Variants in RYR1 observed in about 807,000 individuals in gnomAD.
RYR1 encodes ryanodine receptor 1, also known as central core disease of muscle.
A neutral mutation model predicts 583.5 loss-of-function variants in RYR1; 342 were observed. The observed-to-expected ratio is 0.59, with a 90% CI of 0.54 to 0.64. The LOEUF (loss-of-function observed/expected upper bound fraction) is 0.64, where lower values mean the gene tolerates loss of function less well. Among genes scored for constraint, RYR1 ranks in the 30% least tolerant of loss-of-function variants. The pLI is 0.00. For synonymous variants in RYR1, 2,791 were observed against 2,822.5 expected (o/e 0.99, Z 0.35); for missense variants, 6,032 against 6,917.2 (o/e 0.87, Z 4.54).
Position 38,516,215 on chromosome 19 carries a change from C to T in RYR1, c.9683C>T (p.Ala3228Val), listed in dbSNP as rs1335263831. 2 of 1,586,236 alleles carry T rather than the reference C, an allele frequency of 1.3e-6. No homozygotes were observed. Among genetic ancestry groups the T allele is most frequent in the Non-Finnish European group, 8.6e-7 (1 of 1,166,128 alleles). ...ACCACCAAGTCTCCGCGGGAGCGGG[C>T]CAGTAAGCTGTGTGGGGCGGGAGCA... The part of the protein sequence containing the change: ...VYTTKSPRER[A>V]ILGLPNSVEE... The change falls in exon 65 of 106, where the codon GCC becomes GTC. Residue 3228 changes from alanine (A) to valine (V), a missense_variant and splice_region_variant. Transcript: ENST00000359596.
intron 88 of RYR1, 66 bp downstream of exon 88, chr19:38,546,592 C>T (rs1421631619): frequency 9.8e-6 from 13 of 1,327,254 alleles, no homozygotes; most frequent in African/African-American, 1.5e-5. Context: ...GAATGGCCCC[C>T]TGAGACCCGG....
At chr19:38,551,240 T>C (rs993923033) in intron 89 of RYR1, among the ~76,000 whole-genome samples, 3 of 151,248 alleles carry the variant, frequency 2.0e-5, no homozygotes, top group African/African-American at 4.9e-5. Context: ...GAGACGGGGG[T>C]TTCACCATGT....
In RYR1 at chr19:38,534,730, T is replaced by G. The variant is rs1971889380; in HGVS notation, c.11270T>G (p.Met3757Arg). Reference sequence around the variant, plus strand: ...TGCCTCCCTTCCCAGGAGAAACAGATGGAGAAGCAGAGGCTCTTGTACCAG... The same window carrying G: ...TGCCTCCCTTCCCAGGAGAAACAGAGGGAGAAGCAGAGGCTCTTGTACCAG... ...EVEVSFEEKQ[M>R]EKQRLLYQQA... Residue 3757 changes from methionine to arginine, a missense_variant, in exon 79 of 106, where the codon ATG becomes AGG. This residue lies in a region of RYR1 where 1,493 missense variants were observed against 1,715.5 expected (regional missense o/e 0.87). Transcript: ENST00000359596. 6.2e-7 allele frequency: 1 copy of G among 1,613,900 alleles called. No homozygotes were observed.
chr19:38,498,925 T>C (rs893776372), intron 42 of RYR1, among the ~76,000 whole-genome samples, 183 bp from the exon 43 acceptor site: 1 of 152,190 alleles, frequency 6.6e-6, no homozygotes, highest in Non-Finnish European at 1.5e-5. Context: ...GGTCTCAAGC[T>C]CCTGTTCAAG....
chr19:38,445,251 TAAACTC>T (rs1054258954), intron 7 of RYR1, among the ~76,000 whole-genome samples: 1 of 107,994 alleles, frequency 9.3e-6, no homozygotes, highest in African/African-American at 3.6e-5. Flanking sequence ...AAAAAAAAAT[TAAACTC>T]CTTAGACAAT....
intron 31 of RYR1, among the ~76,000 whole-genome samples, chr19:38,479,116 G>C (rs1311336701): frequency 6.6e-6 from 1 of 152,160 alleles, no homozygotes; most frequent in African/African-American, 2.4e-5. Context: ...CTCTTGAGCT[G>C]GGTGACACCA....
chr19:38,452,738 C>T, intron 12 of RYR1, 81 bp from the exon 13 acceptor site: 1 of 1,335,572 alleles, frequency 7.5e-7, no homozygotes, highest in Non-Finnish European at 1.0e-6. Context: ...CTGGGGGAGT[C>T]TTGCGGGAGT....
In RYR1 at chr19:38,475,415, C is replaced by T. The variant is rs760625346; in HGVS notation, c.4258C>T (p.Arg1420Cys). The T allele has an allele frequency of 1.2e-5, 20 of 1,613,950 alleles. No homozygotes were observed. Among genetic ancestry groups the T allele is most frequent in the Middle Eastern group, 3.3e-4 (2 of 6,062 alleles). The part of the protein sequence containing the change: ...LPHDVVPADN[R>C]DDPEIILNTT... ...TCACGACGTGGTGCCTGCAGACAAC[C>T]GCGATGACCCCGAGATCATCCTCAA... is the stretch of plus-strand genomic sequence containing the variant. The change falls in exon 29 of 106, where the codon CGC becomes TGC. Residue 1420 changes from arginine (R) to cysteine (C), a missense_variant. By Grantham distance (180) the Arg-to-Cys change is radical (BLOSUM62 -3). This residue lies in a region of RYR1 where 2,627 missense variants were observed against 2,961.3 expected (regional missense o/e 0.89). Transcript: ENST00000359596.
At chr19:38,520,206 G>T (rs990668111) in intron 67 of RYR1, among the ~76,000 whole-genome samples, 1 of 150,970 alleles carries the variant, frequency 6.6e-6, no homozygotes, top group Non-Finnish European at 1.5e-5. Context: ...CTGAGTAGCT[G>T]GGATTATAGA....
Position 38,458,035 on chromosome 19 carries a change from C to A in RYR1, c.1926-16C>A. On this transcript the variant is annotated splice_polypyrimidine_tract_variant and intron_variant, in intron 17 of 105. Coordinates refer to ENST00000359596, the MANE Select transcript of RYR1 (RefSeq NM_000540.3). ...CCTCTCCGTCATCCCCCTCTCCTGT[C>A]CCATCTCTCCTGCAGCATCCGCCCC... 6.2e-7 allele frequency: 1 copy of A among 1,612,822 alleles called. No homozygotes were observed.
At chr19:38,555,084 C>T (rs944999912) in intron 89 of RYR1, among the ~76,000 whole-genome samples, 3 of 152,068 alleles carry the variant, frequency 2.0e-5, no homozygotes, top group Non-Finnish European at 2.9e-5. Flanking sequence ...CCCCAGCCCC[C>T]GGTAACCACT....
rs1972532322 is a variant in RYR1 at position 38,548,556 on chromosome 19, A to G, written c.12282+136A>G. ...TCCTTGTTTGTAAAATGAGGATAAAACAGTCCTTGGGTTATATGTATTCTG... is the reference window on the plus strand; with the variant it reads ...TCCTTGTTTGTAAAATGAGGATAAAGCAGTCCTTGGGTTATATGTATTCTG... On this transcript the variant is annotated intron_variant, in intron 89 of 105. Coordinates refer to ENST00000359596, the MANE Select transcript of RYR1 (RefSeq NM_000540.3). 3 of 811,252 alleles carry G rather than the reference A, an allele frequency of 3.7e-6. No individual in the cohort carries two copies. In the Admixed American group the frequency reaches 6.9e-5, roughly 19 times the overall value. 50.3% of individuals were successfully genotyped at this position (811,252 alleles called of 1,614,324 possible).
chr19:38,514,495 G>A (rs1344969897), intron 63 of RYR1, among the ~76,000 whole-genome samples: 1 of 151,490 alleles, frequency 6.6e-6, no homozygotes, highest in African/African-American at 2.4e-5. Flanking sequence ...TGCCCAGGCT[G>A]GTCTCGAACT....
chr19:38,560,855 C>CA (rs1266325529), intron 89 of RYR1, among the ~76,000 whole-genome samples: 7 of 148,672 alleles, frequency 4.7e-5, no homozygotes, highest in South Asian at 2.1e-4. Flanking sequence ...CTTATCTCTA[C>CA]AAAAAAAAAT....
At chr19:38,488,697 G>T (rs1287925935) in intron 34 of RYR1, among the ~76,000 whole-genome samples, 2 of 152,108 alleles carry the variant, frequency 1.3e-5, no homozygotes, top group African/African-American at 4.8e-5. Context: ...TAGAGACGGG[G>T]TTTCACCATG....
At chr19:38,532,364 C>A in intron 76 of RYR1, 126 bp from the exon 77 acceptor site, 1 of 907,006 alleles carries the variant, frequency 1.1e-6, no homozygotes, top group Non-Finnish European at 1.8e-6. Flanking sequence ...CTCAAGTGAT[C>A]TGCCTGCCTC....
At position 38,433,783 on chromosome 19, in the gene RYR1, T is replaced by A; in HGVS notation, c.-47T>A. ...CCCTCCCGCCCAGCCCGCAGCCCCC[T>A]CCCTCTGTTCCCCGACCTCAGACCC... On this transcript the variant is annotated 5_prime_UTR_variant, in exon 1 of 106. Coordinates refer to ENST00000359596, the MANE Select transcript of RYR1 (RefSeq NM_000540.3). The A allele has an allele frequency of 4.4e-5, 13 of 296,966 alleles. No individual in the cohort carries two copies. The highest frequency in any genetic ancestry group is 6.2e-5 in the Non-Finnish European group (12 of 192,662). 18.4% of individuals were successfully genotyped at this position (296,966 alleles called of 1,614,324 possible).
At position 38,487,642 on chromosome 19, in the gene RYR1, G is replaced by A. The variant is rs117780301; in HGVS notation, c.5547+1440G>A. On this transcript the variant is annotated intron_variant, in intron 34 of 105. Transcript: ENST00000359596. The stretch of plus-strand genomic sequence containing the variant: ...GCTGGAACTATAGGCGTGAGCCACC[G>A]TGTCCAGGCAAGACAGGGTCTCGCT... 1.3e-3 allele frequency among the ~76,000 whole-genome samples: 192 copies of A among 149,792 alleles called. 7 individuals carry two copies. In the East Asian group the frequency reaches 0.027, roughly 21 times the overall value.
chr19:38,443,915 T>C, intron 5 of RYR1, 119 bp downstream of exon 5: 2 of 967,188 alleles, frequency 2.1e-6, no homozygotes, highest in Non-Finnish European at 1.6e-6. Flanking sequence ...GAATGGGGGC[T>C]TCGTAGCAGA....
Sources: allele counts gnomAD v4.1 joint callset (sites outside exome capture counted in the v4.1 genomes callset), GRCh38; gene constraint gnomAD v4.1.1; regional missense constraint gnomAD v4.1.1; transcripts MANE v1.5; gene names NCBI Gene and HGNC (gene_info 2026-07-23, HGNC 2026-07-21).